Variants in KHDRBS3 observed in about 807,000 individuals in gnomAD.
The protein encoded by KHDRBS3 is KH RNA binding domain containing, signal transduction associated 3.
KHDRBS3 carries 23 observed loss-of-function variants against 45.6 expected under a neutral mutation model. The ratio of observed to expected loss-of-function variants is 0.50; its 90% CI spans 0.36 to 0.72. KHDRBS3 has a LOEUF of 0.72. Ranked by LOEUF, KHDRBS3 falls within the 30% of genes least tolerant of loss-of-function variation. The pLI, the probability that KHDRBS3 is intolerant of heterozygous loss-of-function variation, is 0.00. For missense variants in KHDRBS3, 352 were observed against 424.8 expected (o/e 0.83, Z 1.51); for synonymous variants, 162 against 156.5 (o/e 1.04, Z -0.26).
chr8:135,458,024 G>T lies in KHDRBS3; in HGVS notation c.88+70G>T, dbSNP rs563140540. ...CGGGTGGAAACGCGGGGGCCCAGGG[G>T]GCCCCTCCGTGCCCTCTGCTGTCAG... On this transcript the variant is annotated intron_variant, in intron 1 of 8. Transcript: ENST00000355849. 2.0e-6 allele frequency: 3 copies of T among 1,494,238 alleles called. No homozygotes were observed. The South Asian group carries it at 3.8e-5, about 19-fold the overall frequency. The allele number at this position is 1,494,238 out of a possible 1,614,324, so 92.6% of individuals were successfully genotyped here. A position where few individuals can be genotyped will look rare whatever the true frequency, so the allele number is the denominator to read the frequency against.
intron 7 of KHDRBS3, chr8:135,625,336 G>A: frequency 1.0e-6 from 1 of 1,004,348 alleles, no homozygotes; most frequent in East Asian, 2.4e-5. Context: ...GCTTTCCGAA[G>A]TAGAAATCCC....
intron 6 of KHDRBS3, among the ~76,000 whole-genome samples, chr8:135,597,327 C>T (rs1221817804): frequency 6.6e-6 from 1 of 152,154 alleles, no homozygotes; most frequent in East Asian, 1.9e-4. Flanking sequence ...CTTCTTAATT[C>T]CACCACAATG....
chr8:135,533,370 T>A (rs73373312), intron 2 of KHDRBS3, among the ~76,000 whole-genome samples: 3 of 152,290 alleles, frequency 2.0e-5, no homozygotes, highest in African/African-American at 7.2e-5. Context: ...AGAACAGTCT[T>A]CTCAGTTGGA....
intron 5 of KHDRBS3, among the ~76,000 whole-genome samples, chr8:135,570,726 AC>A (rs1434991836): frequency 6.6e-6 from 1 of 152,114 alleles, no homozygotes; most frequent in Admixed American, 6.5e-5. Flanking sequence ...TTTAATCCCA[AC>A]TAGGCTTGTT....
In KHDRBS3 at chr8:135,517,697, T is replaced by C. The variant is rs149808550; in HGVS notation, c.89-3540T>C. On this transcript the variant is annotated intron_variant, in intron 1 of 8. Coordinates refer to ENST00000355849, the MANE Select transcript of KHDRBS3 (RefSeq NM_006558.3). Reference sequence around the variant, plus strand: ...GGGCCTGAGAAAAGTACAGCATTCATGATTTAAACCAGGTCTGTTTGACTC... The same window carrying C: ...GGGCCTGAGAAAAGTACAGCATTCACGATTTAAACCAGGTCTGTTTGACTC... 5.2e-4 allele frequency among the ~76,000 whole-genome samples: 79 copies of C among 152,332 alleles called. 1 individual carries two copies. Among genetic ancestry groups the C allele is most frequent in the African/African-American group, 1.9e-3 (77 of 41,566 alleles).
rs559102666 is a variant in KHDRBS3 at position 135,471,592 on chromosome 8, A to T, written c.88+13638A>T. 2.6e-5 allele frequency among the ~76,000 whole-genome samples: 4 copies of T among 152,332 alleles called. No individual in the cohort carries two copies. In the South Asian group the frequency reaches 8.3e-4, roughly 32 times the overall value. The stretch of plus-strand genomic sequence containing the variant: ...AGTGCACACGGCACTGTGGTGCTGC[A>T]TGGAGCTTTGTTATTCCGATCTGGT... On this transcript the variant is annotated intron_variant, in intron 1 of 8. Coordinates refer to ENST00000355849, the MANE Select transcript of KHDRBS3 (RefSeq NM_006558.3).
At chr8:135,477,234 C>G (rs1477718504) in intron 1 of KHDRBS3, among the ~76,000 whole-genome samples, 1 of 151,800 alleles carries the variant, frequency 6.6e-6, no homozygotes, top group Non-Finnish European at 1.5e-5. Flanking sequence ...TAAAACTAAG[C>G]CTGAGAAGTT....
rs1346031335 is a variant in KHDRBS3 at position 135,647,481 on chromosome 8, A to T, written c.*397A>T. The T allele has an allele frequency of 6.5e-6, 1 of 153,886 alleles. No homozygotes were observed. 9.5% of individuals were successfully genotyped at this position (153,886 alleles called of 1,614,324 possible). ...GCTAGTTTTTTTTTCTCTTGCCAAC[A>T]TGCGTAAAAAGGGAAGCCAATTACA... On this transcript the variant is annotated 3_prime_UTR_variant, in exon 9 of 9. Coordinates refer to ENST00000355849, the MANE Select transcript of KHDRBS3 (RefSeq NM_006558.3).
intron 1 of KHDRBS3, among the ~76,000 whole-genome samples, chr8:135,483,097 C>T (rs191983579): frequency 1.2e-4 from 19 of 152,202 alleles, no homozygotes; most frequent in African/African-American, 4.1e-4. Flanking sequence ...TTTCTCCACC[C>T]CCCAACCCTG....
intron 5 of KHDRBS3, 38 bp from the exon 6 acceptor site, chr8:135,581,840 T>A: frequency 7.0e-7 from 1 of 1,426,348 alleles, no homozygotes; most frequent in African/African-American, 1.4e-5. Context: ...TGTTAGAGAC[T>A]ATGATAGATA....
At chr8:135,564,526 G>A (rs1827311378) in intron 5 of KHDRBS3, among the ~76,000 whole-genome samples, 1 of 152,058 alleles carries the variant, frequency 6.6e-6, no homozygotes, top group Non-Finnish European at 1.5e-5. Flanking sequence ...TTTGGCCTGG[G>A]GCAAATATCA....
intron 1 of KHDRBS3, among the ~76,000 whole-genome samples, chr8:135,487,584 G>A (rs1822927337): frequency 6.6e-6 from 1 of 152,206 alleles, no homozygotes; most frequent in Non-Finnish European, 1.5e-5. Flanking sequence ...AGCCCTTGGA[G>A]AACACAAGTC....
intron 1 of KHDRBS3, among the ~76,000 whole-genome samples, chr8:135,486,674 A>G (rs1002705855): frequency 1.3e-5 from 2 of 152,242 alleles, no homozygotes; most frequent in Non-Finnish European, 2.9e-5. Flanking sequence ...TATGGAATCT[A>G]TGCATATTTA....
intron 1 of KHDRBS3, among the ~76,000 whole-genome samples, chr8:135,516,473 C>T (rs1365089419): frequency 6.6e-6 from 1 of 152,086 alleles, no homozygotes; most frequent in African/African-American, 2.4e-5. Flanking sequence ...AGACCACTGT[C>T]ATATATGTTG....
At chr8:135,565,515 G>A (rs1827371802) in intron 5 of KHDRBS3, among the ~76,000 whole-genome samples, 1 of 152,098 alleles carries the variant, frequency 6.6e-6, no homozygotes. Context: ...TAGCTTGATT[G>A]AACTCTAACT....
At position 135,495,726 on chromosome 8, in the gene KHDRBS3, TC is replaced by T. The variant is rs531022591; in HGVS notation, c.89-25508del. Among the ~76,000 whole-genome samples, 40 of 152,290 alleles carry T rather than the reference TC, an allele frequency of 2.6e-4. No homozygotes were observed. The East Asian group carries it at 6.6e-3, about 25-fold the overall frequency. On this transcript the variant is annotated intron_variant, in intron 1 of 8. Transcript: ENST00000355849. ...TTAGGGGCTTATTTTAATCATTGTT[TC>T]CCTAGCTGCAGTTTAGTGCCAGGTC...
chr8:135,635,030 A>C (rs1830752768), intron 7 of KHDRBS3, among the ~76,000 whole-genome samples: 1 of 152,164 alleles, frequency 6.6e-6, no homozygotes, highest in Admixed American at 6.5e-5. Context: ...TGTGGGGAAA[A>C]AAATTACTGA....
intron 6 of KHDRBS3, among the ~76,000 whole-genome samples, chr8:135,600,828 A>T (rs1829177944): frequency 6.6e-6 from 1 of 152,116 alleles, no homozygotes; most frequent in Admixed American, 6.6e-5. Context: ...CCTCTCGAGT[A>T]GCTGGGAATA....
chr8:135,500,509 C>G (rs1459979795), intron 1 of KHDRBS3, among the ~76,000 whole-genome samples: 10 of 152,256 alleles, frequency 6.6e-5, no homozygotes, highest in East Asian at 1.9e-4. Flanking sequence ...AGAAGTTCAC[C>G]TTACTCTCTT....
Sources: allele counts gnomAD v4.1 joint callset (sites outside exome capture counted in the v4.1 genomes callset), GRCh38; gene constraint gnomAD v4.1.1; transcripts MANE v1.5; gene names NCBI Gene and HGNC (gene_info 2026-07-23, HGNC 2026-07-21).